ZBTB49: variants seen among roughly 807,000 people sequenced by gnomAD.
The protein encoded by ZBTB49 is zinc finger and BTB domain-containing protein 49.
A neutral mutation model predicts 57.5 loss-of-function variants in ZBTB49; 43 were observed. The observed-to-expected ratio is 0.75, with a 90% CI of 0.59 to 0.97. ZBTB49 has a LOEUF of 0.97. Among genes scored for constraint, ZBTB49 ranks in the 50% least tolerant of loss-of-function variants. The pLI is 0.00. For missense variants in ZBTB49, 938 were observed against 947.7 expected, an observed-to-expected ratio of 0.99 and a Z score of 0.13; for synonymous variants, 369 against 362.1, an observed-to-expected ratio of 1.02 and a Z score of -0.22.
At position 4,321,257 on chromosome 4, in the gene ZBTB49, A is replaced by G. The variant is rs373380229; in HGVS notation, c.2239A>G (p.Met747Val). The change falls in exon 8 of 8, where the codon ATG (methionine) becomes GTG (valine). Residue 747 changes from methionine to valine, a missense_variant. Transcript: ENST00000337872. ...CTCAGAGGGTCAGTTTTTCTCCAGC[A>G]TGACTCTCTGGGGGCTAGCGATGAA... The part of the protein sequence containing the change: ...RNSEGQFFSS[M>V]TLWGLAMKTL... The G allele has an allele frequency of 3.1e-6, 5 of 1,614,074 alleles. No homozygotes were observed. The highest frequency in any genetic ancestry group is 2.7e-5 in the African/African-American group (2 of 75,042).
intron 1 of ZBTB49, among the ~76,000 whole-genome samples, chr4:4,299,683 T>A (rs1577232867): frequency 6.6e-6 from 1 of 152,136 alleles, no homozygotes; most frequent in Non-Finnish European, 1.5e-5. Flanking sequence ...GTGTGGCCAG[T>A]GGCTACTGTA....
chr4:4,316,706 C>T (rs1001791105), intron 7 of ZBTB49, among the ~76,000 whole-genome samples: 17 of 152,336 alleles, frequency 1.1e-4, no homozygotes, highest in Non-Finnish European at 2.1e-4. Flanking sequence ...TTCAGAGAGG[C>T]ACATTCTAAT....
Position 4,313,066 on chromosome 4 carries a change from G to T in ZBTB49, c.1328G>T (p.Arg443Leu), listed in dbSNP as rs868668756. Residue 443 changes from arginine (R) to leucine (L), a missense_variant, in exon 5 of 8, where the codon CGA becomes CTA. Physicochemically the swap from Arg to Leu is moderately radical, Grantham distance 102. Coordinates refer to ENST00000337872, the MANE Select transcript of ZBTB49 (RefSeq NM_145291.4). ...SQAGNLQTHL[R>L]RHSGEKPYIC... ...GCAGGTAACTTGCAGACTCACTTAC[G>T]ACGGCATTCTGGTGAAAAACCATAC... 1 of 1,613,954 alleles carries T rather than the reference G, an allele frequency of 6.2e-7. No homozygotes were observed. The highest frequency in any genetic ancestry group is 1.7e-5 in the Admixed American group (1 of 59,986).
intron 7 of ZBTB49, among the ~76,000 whole-genome samples, chr4:4,319,671 A>G (rs1721327723): frequency 6.6e-6 from 1 of 152,158 alleles, no homozygotes; most frequent in South Asian, 2.1e-4. Context: ...AAATATAAAA[A>G]TTAGCCTGGT....
At chr4:4,319,697 G>T (rs1577250899) in intron 7 of ZBTB49, among the ~76,000 whole-genome samples, 1 of 152,030 alleles carries the variant, frequency 6.6e-6, no homozygotes, top group East Asian at 1.9e-4. Flanking sequence ...GGCACACCTT[G>T]TAAATCCCAG....
At chr4:4,317,131 C>T (rs1378993975) in intron 7 of ZBTB49, among the ~76,000 whole-genome samples, 1 of 152,164 alleles carries the variant, frequency 6.6e-6, no homozygotes, top group East Asian at 1.9e-4. Flanking sequence ...GTCCTCCTTC[C>T]CCAGCTAGGA....
At position 4,310,336 on chromosome 4, in the gene ZBTB49, C is replaced by T. The variant is rs183365984; in HGVS notation, c.1303-2705C>T. Among the ~76,000 whole-genome samples the T allele has an allele frequency of 2.2e-3, 328 of 152,226 alleles. 1 individual carries two copies. Among genetic ancestry groups the T allele is most frequent in the African/African-American group, 7.2e-3 (299 of 41,558 alleles). ...TGAATTCAGTCCCCATTTTATGACC[C>T]AAGGCTGGTTACTAACCTCTCAGAG... On this transcript the variant is annotated intron_variant, in intron 4 of 7. Transcript: ENST00000337872.
At chr4:4,304,873 C>A (rs1305513962) in intron 3 of ZBTB49, among the ~76,000 whole-genome samples, 1 of 152,126 alleles carries the variant, frequency 6.6e-6, no homozygotes, top group African/African-American at 2.4e-5. Context: ...ACTCTGTTTT[C>A]ATTTCCAGTA....
In ZBTB49 at chr4:4,321,115, C is replaced by T. The variant is rs754642404; in HGVS notation, c.2097C>T (p.Ala699=). 1.2e-5 allele frequency: 19 copies of T among 1,614,052 alleles called. No homozygotes were observed. In the East Asian group the frequency reaches 1.3e-4, roughly 11 times the overall value. ...CTTACTCGGATGTGGACACCCCAGC[C>T]GGTGGCGAACCACTGCAGGCCGATG... ...AYAYSDVDTP[A]GGEPLQADGM... is the part of the protein sequence containing the mutation. Residue 699 remains alanine, a synonymous_variant, in exon 8 of 8, where the codon GCC becomes GCT. Transcript: ENST00000337872.
In ZBTB49 at chr4:4,306,448, C is replaced by T. The variant is rs988149341; in HGVS notation, c.1302+264C>T. 5.3e-5 allele frequency among the ~76,000 whole-genome samples: 8 copies of T among 152,294 alleles called. No individual in the cohort carries two copies. In the Middle Eastern group the frequency reaches 0.014, roughly 259 times the overall value. ...GAGTCCAAACTTAGCATATGTCTTC[C>T]GTTTCATGAATGAAGTTCACAGTGA... On this transcript the variant is annotated intron_variant, in intron 4 of 7. Transcript: ENST00000337872.
Position 4,302,884 on chromosome 4 carries a change from A to C in ZBTB49, c.1048A>C (p.Ser350Arg), listed in dbSNP as rs145026892. ...TAAAAATACCCTAGAGAAAGCTAGCAGCCAAAGTGCTGAAGAAAAAGAAAG... is the reference window on the plus strand; with the variant it reads ...TAAAAATACCCTAGAGAAAGCTAGCCGCCAAAGTGCTGAAGAAAAAGAAAG... ...ASKNTLEKAS[S>R]QSAEEKESEE... The change falls in exon 3 of 8, where the codon AGC becomes CGC. Residue 350 changes from serine (S) to arginine (R), a missense_variant. Coordinates refer to ENST00000337872, the MANE Select transcript of ZBTB49 (RefSeq NM_145291.4). 23 of 1,613,920 alleles carry C rather than the reference A, an allele frequency of 1.4e-5. No homozygotes were observed. The highest frequency in any genetic ancestry group is 1.8e-5 in the Non-Finnish European group (21 of 1,179,932).
In ZBTB49 at chr4:4,321,423, A is replaced by G. The variant is rs375452989; in HGVS notation, c.*107A>G. 1.7e-6 allele frequency: 2 copies of G among 1,149,860 alleles called. No homozygotes were observed. The highest frequency in any genetic ancestry group is 2.5e-6 in the Non-Finnish European group (2 of 810,324). The allele number at this position is 1,149,860 out of a possible 1,614,324, so 71.2% of individuals were successfully genotyped here. Reference sequence around the variant, plus strand: ...ATGACAGTGCCTTCTAACTAGCCAGAGAATAGGTAGCTTCCCTCCTGATGA... The same window carrying G: ...ATGACAGTGCCTTCTAACTAGCCAGGGAATAGGTAGCTTCCCTCCTGATGA... On this transcript the variant is annotated 3_prime_UTR_variant, in exon 8 of 8. Transcript: ENST00000337872.
intron 1 of ZBTB49, among the ~76,000 whole-genome samples, chr4:4,295,740 T>TGATCTCAAACCAGGA (rs987246708): frequency 1.3e-5 from 2 of 152,214 alleles, no homozygotes; most frequent in African/African-American, 2.4e-5. Context: ...AGTCTCACTT[T>TGATCTCAAACCAGGA]GATCTCAAAC....
intron 1 of ZBTB49, among the ~76,000 whole-genome samples, chr4:4,295,081 A>T (rs1443757230): frequency 6.6e-6 from 1 of 152,068 alleles, no homozygotes; most frequent in African/African-American, 2.4e-5. Context: ...AATGGTGGTA[A>T]TTGGGTTCTT....
intron 1 of ZBTB49, among the ~76,000 whole-genome samples, chr4:4,295,528 A>G (rs1343715668): frequency 6.6e-6 from 1 of 152,224 alleles, no homozygotes; most frequent in African/African-American, 2.4e-5. Flanking sequence ...TCAGTAAATG[A>G]TAGTTTAAAA....
rs1240423321 is a variant in ZBTB49, at chr4:4,302,636, A to C, written c.800A>C (p.Glu267Ala). The C allele has an allele frequency of 4.3e-6, 7 of 1,612,144 alleles. No homozygotes were observed. Among genetic ancestry groups the C allele is most frequent in the Non-Finnish European group, 2.5e-6 (3 of 1,179,008 alleles). Reference sequence around the variant, plus strand: ...GTCAGTCATTCTGAATGCATCCTGGAGTCTCCCGAGCACTTACCTTCCAAC... The same window carrying C: ...GTCAGTCATTCTGAATGCATCCTGGCGTCTCCCGAGCACTTACCTTCCAAC... ...CAVSHSECIL[E>A]SPEHLPSNFL... The change falls in exon 3 of 8, where the codon GAG (glutamate) becomes GCG (alanine). Residue 267 changes from glutamate (E) to alanine (A), a missense_variant. This residue lies in a region of ZBTB49 where 835 missense variants were observed against 819.1 expected (regional missense o/e 1.02). Transcript: ENST00000337872.
intron 1 of ZBTB49, among the ~76,000 whole-genome samples, chr4:4,294,540 G>A (rs1430420006): frequency 6.6e-6 from 1 of 151,940 alleles, no homozygotes; most frequent in Non-Finnish European, 1.5e-5. Flanking sequence ...TATTTTTAGT[G>A]GAGATGGTTT....
intron 3 of ZBTB49, 36 bp from the exon 4 acceptor site, chr4:4,306,102 A>G (rs779478710): frequency 6.3e-7 from 1 of 1,595,546 alleles, no homozygotes. Flanking sequence ...AAATACTAGT[A>G]ATGATTTTAC....
intron 1 of ZBTB49, among the ~76,000 whole-genome samples, chr4:4,294,851 C>T (rs1447506318): frequency 6.8e-6 from 1 of 147,232 alleles, no homozygotes; most frequent in African/African-American, 2.5e-5. Context: ...CTAATTTTAA[C>T]AGGTCTGTGG....
Sources: allele counts gnomAD v4.1 joint callset (sites outside exome capture counted in the v4.1 genomes callset), GRCh38; gene constraint gnomAD v4.1.1; regional missense constraint gnomAD v4.1.1; transcripts MANE v1.5; gene names NCBI Gene and HGNC (gene_info 2026-07-23, HGNC 2026-07-21).